TNIP1: variants seen among roughly 807,000 people sequenced by gnomAD.
TNIP1 encodes the protein TNFAIP3 interacting protein 1.
TNIP1 carries 22 observed loss-of-function variants against 86.6 expected under a neutral mutation model. That is an observed-to-expected ratio of 0.25 (90% CI 0.18 to 0.36). TNIP1 has a LOEUF of 0.36. Among genes scored for constraint, TNIP1 ranks in the 10% least tolerant of loss-of-function variants. The pLI, the probability that TNIP1 is intolerant of heterozygous loss-of-function variation, is 1.00. For missense variants in TNIP1, 709 were observed against 820.6 expected, an observed-to-expected ratio of 0.86 and a Z score of 1.66; for synonymous variants, 294 against 313.0, an observed-to-expected ratio of 0.94 and a Z score of 0.64.
chr5:151,030,102 C>T lies in TNIP1; in HGVS notation c.*611G>A, dbSNP rs1373222371. ...CTGGCAGCTTCAGGCTGGCGCCCCT[C>T]GGCGGACGTGGCTGGCATGGCCTTC... On this transcript the variant is annotated 3_prime_UTR_variant, in exon 18 of 18. Coordinates refer to ENST00000521591, the MANE Select transcript of TNIP1 (RefSeq NM_006058.5). 1.3e-5 allele frequency: 6 copies of T among 456,844 alleles called. No individual in the cohort carries two copies. Among genetic ancestry groups the T allele is most frequent in the Non-Finnish European group, 2.2e-5 (5 of 226,978 alleles). 28.3% of individuals were successfully genotyped at this position (456,844 alleles called of 1,614,324 possible).
chr5:151,055,596 G>GT (rs759979719), intron 6 of TNIP1, among the ~76,000 whole-genome samples: 9 of 152,162 alleles, frequency 5.9e-5, no homozygotes, highest in Non-Finnish European at 8.8e-5. Flanking sequence ...TCCCCTCCAG[G>GT]TGGGATGGGC....
chr5:151,041,173 C>T (rs568623933), intron 11 of TNIP1, among the ~76,000 whole-genome samples: 1 of 151,632 alleles, frequency 6.6e-6, no homozygotes, highest in African/African-American at 2.4e-5. Context: ...CGGGTTCAAG[C>T]GATTCTCGTG....
Position 151,046,938 on chromosome 5 carries a change from T to C in TNIP1, c.847-988A>G, listed in dbSNP as rs866528373. Among the ~76,000 whole-genome samples, 212 of 152,240 alleles carry C rather than the reference T, an allele frequency of 1.4e-3. 1 individual carries two copies. The highest frequency in any genetic ancestry group is 4.1e-3 in the African/African-American group (169 of 41,520). On this transcript the variant is annotated intron_variant, in intron 8 of 17. Transcript: ENST00000521591. ...ATAAGTGTAGGAAGAATGAGGAAAA[T>C]ATGAAATCACCATTCCATTACTACA...
intron 3 of TNIP1, 38 bp downstream of exon 3, chr5:151,063,575 T>A: frequency 6.2e-7 from 1 of 1,608,526 alleles, no homozygotes; most frequent in South Asian, 1.1e-5. Context: ...CAGTTTGGGG[T>A]ACAGGGAGAG....
At position 151,057,326 on chromosome 5, in the gene TNIP1, C is replaced by T. The variant is rs1057069848; in HGVS notation, c.436-369G>A. ...GGTTCTTAGGAGGATGAATTGACCC[C>T]TGACAGTAACAAGCCCAGAAAAGGG... On this transcript the variant is annotated intron_variant, in intron 5 of 17. Transcript: ENST00000521591. Among the ~76,000 whole-genome samples, 32 of 152,332 alleles carry T rather than the reference C, an allele frequency of 2.1e-4. 1 individual carries two copies. The highest frequency in any genetic ancestry group is 3.4e-3 in the Middle Eastern group (1 of 294).
chr5:151,056,486 A>G (rs1166358622), intron 6 of TNIP1, among the ~76,000 whole-genome samples: 1 of 152,040 alleles, frequency 6.6e-6, no homozygotes, highest in Admixed American at 6.5e-5. Flanking sequence ...CCATCCCCCA[A>G]CCCTGCACAT....
Position 151,056,967 on chromosome 5 carries a change from G to A in TNIP1, c.436-10C>T. 4 of 1,477,628 alleles carry A rather than the reference G, an allele frequency of 2.7e-6. No homozygotes were observed. The highest frequency in any genetic ancestry group is 2.6e-5 in the South Asian group (2 of 75,936). 91.5% of individuals were successfully genotyped at this position (1,477,628 alleles called of 1,614,324 possible). ...GCAGGGGGCCCAGCGCCTGGAGAGGGAAAGGGCACACGGCCCACTCTTCAC... is the reference window on the plus strand; with the variant it reads ...GCAGGGGGCCCAGCGCCTGGAGAGGAAAAGGGCACACGGCCCACTCTTCAC... On this transcript the variant is annotated splice_polypyrimidine_tract_variant and intron_variant, in intron 5 of 17. Transcript: ENST00000521591.
intron 15 of TNIP1, chr5:151,034,739 A>G (rs1581726718): frequency 2.1e-6 from 1 of 486,868 alleles, no homozygotes; most frequent in South Asian, 2.1e-5. Context: ...TGGGCACGGA[A>G]GGCTCATACA....
intron 16 of TNIP1, chr5:151,032,915 CAGG>C (rs1471696197): frequency 1.9e-5 from 3 of 157,948 alleles, no homozygotes; most frequent in Non-Finnish European, 2.8e-5. Context: ...CACCTGAGGT[CAGG>C]AGTTCAAGAC....
chr5:151,038,824 G>A (rs1758032819), intron 12 of TNIP1, among the ~76,000 whole-genome samples: 1 of 152,148 alleles, frequency 6.6e-6, no homozygotes, highest in African/African-American at 2.4e-5. Flanking sequence ...TGCTGAGCAA[G>A]TGAGGGTAAA....
At chr5:151,067,763 C>T (rs1046140160) in intron 1 of TNIP1, among the ~76,000 whole-genome samples, 3 of 152,198 alleles carry the variant, frequency 2.0e-5, no homozygotes, top group Non-Finnish European at 4.4e-5. Flanking sequence ...CTGAAGGGAA[C>T]AAGCCCTTGA....
At chr5:151,058,642 G>T (rs1043666957) in intron 5 of TNIP1, among the ~76,000 whole-genome samples, 15 of 152,194 alleles carry the variant, frequency 9.9e-5, no homozygotes, top group Non-Finnish European at 2.9e-5. Flanking sequence ...GCCTCTGCAA[G>T]TTCTGCTCAT....
At chr5:151,056,992 C>T in intron 5 of TNIP1, 35 bp from the exon 6 acceptor site, 4 of 1,397,600 alleles carry the variant, frequency 2.9e-6, no homozygotes, top group Non-Finnish European at 3.7e-6. Context: ...CCACTCTTCA[C>T]CAAGGCCTGA....
intron 9 of TNIP1, among the ~76,000 whole-genome samples, chr5:151,045,144 C>T (rs868182774): frequency 1.3e-5 from 2 of 151,980 alleles, no homozygotes; most frequent in African/African-American, 2.4e-5. Flanking sequence ...CAGGCTGGCA[C>T]GCGGTGGCAC....
At chr5:151,045,602 G>C (rs73270689) in intron 9 of TNIP1, among the ~76,000 whole-genome samples, 2,856 of 152,196 alleles carry the variant, frequency 0.019, 79 homozygotes, top group African/African-American at 0.06. Context: ...TGCCTAAACT[G>C]TAGCCCCAAC....
At chr5:151,054,421 C>T (rs988773019) in intron 6 of TNIP1, among the ~76,000 whole-genome samples, 2 of 152,168 alleles carry the variant, frequency 1.3e-5, no homozygotes, top group African/African-American at 2.4e-5. Context: ...TGGCTCACAC[C>T]AGTAATCCCA....
intron 12 of TNIP1, among the ~76,000 whole-genome samples, chr5:151,037,734 G>C (rs770283863): frequency 6.6e-6 from 1 of 152,186 alleles, no homozygotes; most frequent in Non-Finnish European, 1.5e-5. Context: ...TTTGGCCCCA[G>C]GACAGCATCG....
At chr5:151,040,574 G>A (rs977794704) in intron 11 of TNIP1, among the ~76,000 whole-genome samples, 2 of 152,082 alleles carry the variant, frequency 1.3e-5, no homozygotes, top group East Asian at 3.9e-4. Context: ...CACATTCCAG[G>A]GATTTGTCTC....
At chr5:151,040,133 T>C (rs1370883673) in intron 11 of TNIP1, among the ~76,000 whole-genome samples, 1 of 152,190 alleles carries the variant, frequency 6.6e-6, no homozygotes, top group Non-Finnish European at 1.5e-5. Context: ...CACAGTGCAG[T>C]GGAAAGACCA....
Sources: gnomAD v4.1 joint callset for allele counts (sites outside exome capture counted in the v4.1 genomes callset) on GRCh38, gnomAD v4.1.1 for gene constraint, MANE v1.5 for transcripts, NCBI Gene and HGNC (gene_info 2026-07-23, HGNC 2026-07-21) for gene names.